PHACTR2: variants seen among roughly 807,000 people sequenced by gnomAD.
The protein encoded by PHACTR2 is phosphatase and actin regulator 2, also known as chromosome 6 open reading frame 56.
Under a neutral mutation model 76.0 loss-of-function variants are expected in PHACTR2, and 30 were observed. That is an observed-to-expected ratio of 0.39 (90% CI 0.30 to 0.54). The LOEUF (loss-of-function observed/expected upper bound fraction) is 0.54. PHACTR2 is among the 20% of genes least tolerant of loss of function. The pLI is 0.61. For synonymous variants in PHACTR2, 292 were observed against 292.5 expected (o/e 1.00, Z 0.02); for missense variants, 696 against 781.1 (o/e 0.89, Z 1.30).
rs148151491 is a variant in PHACTR2, at chr6:143,745,425, G to A, written c.215-3560G>A. Among the ~76,000 whole-genome samples the A allele has an allele frequency of 2.8e-4, 43 of 152,324 alleles. 2 individuals are homozygous for A. In the East Asian group the frequency reaches 7.5e-3, roughly 27 times the overall value. On this transcript the variant is annotated intron_variant, in intron 2 of 12. Coordinates refer to ENST00000440869, the MANE Select transcript of PHACTR2 (RefSeq NM_001100164.2). Reference sequence around the variant, plus strand: ...ACTGAAGTGGGTTGCGCCTTAAAGTGAGCATCTTCCCTCTGAATGATTTTA... The same window carrying A: ...ACTGAAGTGGGTTGCGCCTTAAAGTAAGCATCTTCCCTCTGAATGATTTTA...
chr6:143,571,392 A>G lies in PHACTR2; in HGVS notation c.217+34185A>G, dbSNP rs1292305306. ...GTCTCATGGATATTTCCTTTATCCT[A>G]TAATCCATTACTATCTACTTTATTT... On this transcript the variant is annotated intron_variant, in intron 1 of 11. Transcript: ENST00000367584. This position sits in a 1 kb window ranked among gnomAD's most constrained non-coding sequence, Gnocchi z 4.6. 1.3e-5 allele frequency among the ~76,000 whole-genome samples: 2 copies of G among 152,142 alleles called. No individual in the cohort carries two copies. The highest frequency in any genetic ancestry group is 2.9e-5 in the Non-Finnish European group (2 of 68,006).
At chr6:143,594,756 C>G (rs939872400) in intron 1 of PHACTR2, among the ~76,000 whole-genome samples, 1 of 152,238 alleles carries the variant, frequency 6.6e-6, no homozygotes, top group African/African-American at 2.4e-5. Flanking sequence ...TAGAGTTTGC[C>G]GTCCATGGAT....
At chr6:143,702,218 C>T (rs1582788049) in intron 1 of PHACTR2, among the ~76,000 whole-genome samples, 1 of 150,202 alleles carries the variant, frequency 6.7e-6, no homozygotes, top group South Asian at 2.1e-4. Context: ...AGCGATCCTC[C>T]TGCCTCAGCC....
chr6:143,643,217 A>G (rs1776597799), intron 1 of PHACTR2, among the ~76,000 whole-genome samples: 1 of 152,190 alleles, frequency 6.6e-6, no homozygotes, highest in African/African-American at 2.4e-5. Context: ...TATTTCATAA[A>G]TAATCTATCC....
At chr6:143,718,236 G>A (rs116692712) in intron 2 of PHACTR2, among the ~76,000 whole-genome samples, 1,570 of 152,176 alleles carry the variant, frequency 0.01, 34 homozygotes, top group African/African-American at 0.035. Context: ...ATGCTGTTAG[G>A]TACCAGGTTC....
intron 1 of PHACTR2, among the ~76,000 whole-genome samples, chr6:143,649,428 A>G (rs574086739): frequency 2.6e-5 from 4 of 152,354 alleles, no homozygotes; most frequent in East Asian, 1.9e-4. Context: ...TGAAACACCA[A>G]TGCAAAAATC....
rs950727719 is a variant in PHACTR2 at position 143,743,152 on chromosome 6, C to T, written c.215-5833C>T. On this transcript the variant is annotated intron_variant, in intron 2 of 12. Coordinates refer to ENST00000440869, the MANE Select transcript of PHACTR2 (RefSeq NM_001100164.2). This position sits in a 1 kb window ranked among gnomAD's most constrained non-coding sequence, Gnocchi z 5.0. ...GAGCTACTGTGTGAAGAGAACTTAA[C>T]ATTTTAGGGTAGATTTCACCCGAGA... Among the ~76,000 whole-genome samples the T allele has an allele frequency of 2.6e-5, 4 of 152,144 alleles. No homozygotes were observed. The highest frequency in any genetic ancestry group is 5.9e-5 in the Non-Finnish European group (4 of 68,016).
In PHACTR2 at chr6:143,795,311, G is replaced by C. The variant is rs971156411; in HGVS notation, c.1845+6401G>C. On this transcript the variant is annotated intron_variant, in intron 11 of 12. Coordinates refer to ENST00000440869, the MANE Select transcript of PHACTR2 (RefSeq NM_001100164.2). This position sits in a 1 kb window ranked among gnomAD's most constrained non-coding sequence, Gnocchi z 4.8. ...CCCATGTATTCCTACCTACTTGGAA[G>C]GCTGAGGCAGGAGGATCCCTTGAGT... is the stretch of plus-strand genomic sequence containing the variant. 3.9e-5 allele frequency among the ~76,000 whole-genome samples: 6 copies of C among 152,198 alleles called. No individual in the cohort carries two copies. The highest frequency in any genetic ancestry group is 1.4e-4 in the African/African-American group (6 of 41,448).
Position 143,561,113 on chromosome 6 carries a change from A to C in PHACTR2, c.217+23906A>C, listed in dbSNP as rs1361867262. On this transcript the variant is annotated intron_variant, in intron 1 of 11. Coordinates refer to the PHACTR2 transcript ENST00000367584. The surrounding 1 kb of genome is among the most constrained non-coding windows in gnomAD (Gnocchi z 4.1). Reference sequence around the variant, plus strand: ...GCTGCCAGCCTGGGCCAGGCCCCACACACCTCAAACACAAGCAGGGATTGA... The same window carrying C: ...GCTGCCAGCCTGGGCCAGGCCCCACCCACCTCAAACACAAGCAGGGATTGA... 6.5e-6 allele frequency: 1 copy of C among 153,002 alleles called. No individual in the cohort carries two copies. The highest frequency in any genetic ancestry group is 1.5e-5 in the Non-Finnish European group (1 of 68,744). 9.5% of individuals were successfully genotyped at this position (153,002 alleles called of 1,614,324 possible).
Position 143,581,199 on chromosome 6 carries a change from G to A in PHACTR2, c.217+43992G>A, listed in dbSNP as rs758195624. Among the ~76,000 whole-genome samples the A allele has an allele frequency of 2.6e-5, 4 of 152,186 alleles. No individual in the cohort carries two copies. The highest frequency in any genetic ancestry group is 6.5e-5 in the Admixed American group (1 of 15,272). On this transcript the variant is annotated intron_variant, in intron 1 of 11. Transcript: ENST00000367584. This position sits in a 1 kb window ranked among gnomAD's most constrained non-coding sequence, Gnocchi z 4.5. ...ACTTTACCCTTGTTCTCAAGTCTCC[G>A]TGTGGACAGGGGATGAGGGTTACCT...
intron 1 of PHACTR2, among the ~76,000 whole-genome samples, chr6:143,655,359 A>T (rs938412287): frequency 2.6e-5 from 4 of 152,238 alleles, no homozygotes. Context: ...AGGGTTTCTT[A>T]CTGGGTTGAT....
chr6:143,736,585 T>G (rs1778825184), intron 2 of PHACTR2, among the ~76,000 whole-genome samples: 1 of 93,252 alleles, frequency 1.1e-5, no homozygotes, highest in African/African-American at 4.1e-5. Context: ...TTTTTTTTTT[T>G]TTTTTTTGAG....
At position 143,652,795 on chromosome 6, in the gene PHACTR2, G is replaced by T. The variant is rs147026396; in HGVS notation, c.13+44473G>T. Reference sequence around the variant, plus strand: ...AAGTCTTGGCTGTCACACCTGGACCGCCTGCTCTGGTCATGTGTGTGTGTG... The same window carrying T: ...AAGTCTTGGCTGTCACACCTGGACCTCCTGCTCTGGTCATGTGTGTGTGTG... On this transcript the variant is annotated intron_variant, in intron 1 of 11. Coordinates refer to the PHACTR2 transcript ENST00000305766. This position sits in a 1 kb window ranked among gnomAD's most constrained non-coding sequence, Gnocchi z 4.5. 1.3e-5 allele frequency among the ~76,000 whole-genome samples: 2 copies of T among 152,166 alleles called. No individual in the cohort carries two copies. The highest frequency in any genetic ancestry group is 4.8e-5 in the African/African-American group (2 of 41,430).
chr6:143,674,755 T>G (rs1181088116), upstream of PHACTR2, among the ~76,000 whole-genome samples: 1 of 152,186 alleles, frequency 6.6e-6, no homozygotes, highest in African/African-American at 2.4e-5. The surrounding 1 kb of genome is among the most constrained non-coding windows in gnomAD (Gnocchi z 4.9). Flanking sequence ...GAAGGTTCCT[T>G]CTTCTTCCTG....
rs577742197 is a variant in PHACTR2 at position 143,611,918 on chromosome 6, A to T, written c.13+3596A>T. On this transcript the variant is annotated intron_variant, in intron 1 of 11. Transcript: ENST00000305766. The surrounding 1 kb of genome is among the most constrained non-coding windows in gnomAD (Gnocchi z 4.4). ...ACGACGAGTGGATATGGAGGCAGGGAGAACTGCAGCAGTCAAAGGAGACCC... is the reference window on the plus strand; with the variant it reads ...ACGACGAGTGGATATGGAGGCAGGGTGAACTGCAGCAGTCAAAGGAGACCC... 1.3e-5 allele frequency among the ~76,000 whole-genome samples: 2 copies of T among 152,196 alleles called. No homozygotes were observed. The highest frequency in any genetic ancestry group is 2.9e-5 in the Non-Finnish European group (2 of 68,020).
intron 1 of PHACTR2, among the ~76,000 whole-genome samples, chr6:143,567,383 T>C (rs9386033): frequency 0.61 from 93,168 of 151,876 alleles, 28,904 homozygotes; most frequent in Middle Eastern, 0.72. Flanking sequence ...TATTGACTTT[T>C]ATTTATTTAT....
rs1350211648 is a variant in PHACTR2, at chr6:143,679,003, G to A, written c.46+794G>A. Among the ~76,000 whole-genome samples, 3 of 151,054 alleles carry A rather than the reference G, an allele frequency of 2.0e-5. No homozygotes were observed. The highest frequency in any genetic ancestry group is 4.4e-5 in the Non-Finnish European group (3 of 67,884). On this transcript the variant is annotated intron_variant, in intron 1 of 12. Transcript: ENST00000440869. The surrounding 1 kb of genome is among the most constrained non-coding windows in gnomAD (Gnocchi z 4.6). ...ATTGGATAAGGAAATAAATTTAAAAGGTACTATTTTGATATTTTTCCATCA... is the reference window on the plus strand; with the variant it reads ...ATTGGATAAGGAAATAAATTTAAAAAGTACTATTTTGATATTTTTCCATCA...
At position 143,546,161 on chromosome 6, in the gene PHACTR2, C is replaced by T. The variant is rs1331725077; in HGVS notation, c.217+8954C>T. Among the ~76,000 whole-genome samples the T allele has an allele frequency of 6.6e-6, 1 of 152,192 alleles. No individual in the cohort carries two copies. The highest frequency in any genetic ancestry group is 1.5e-5 in the Non-Finnish European group (1 of 68,044). On this transcript the variant is annotated intron_variant, in intron 1 of 11. Coordinates refer to the PHACTR2 transcript ENST00000367584. This position sits in a 1 kb window ranked among gnomAD's most constrained non-coding sequence, Gnocchi z 4.9. ...GAGTGACTCATTATCTTTGATCACA[C>T]TTGCTGAAATTTGCACAGAGAAGTA...
chr6:143,536,910 G>GGGGCAGAGCC lies in PHACTR2; in HGVS notation c.-74_-65dup, dbSNP rs1781121277. The GGGGCAGAGCC allele has an allele frequency of 6.6e-6, 1 of 152,480 alleles. No homozygotes were observed. The highest frequency in any genetic ancestry group is 2.4e-5 in the African/African-American group (1 of 41,336). 9.4% of individuals were successfully genotyped at this position (152,480 alleles called of 1,614,324 possible). On this transcript the variant is annotated 5_prime_UTR_variant, in exon 1 of 12. Coordinates refer to the PHACTR2 transcript ENST00000367584. This position sits in a 1 kb window ranked among gnomAD's most constrained non-coding sequence, Gnocchi z 5.4. ...TCGCTGCCTCCGGGTCGCGGCGCGC[G>GGGGCAGAGCC]GGGCAGAGCCGGGCAGCAGCGGGCA...
Sources: gnomAD v4.1 joint callset for allele counts (sites outside exome capture counted in the v4.1 genomes callset) on GRCh38, gnomAD v4.1.1 for gene constraint, Gnocchi (gnomAD v3.1) non-coding constraint, MANE v1.5 for transcripts, NCBI Gene and HGNC (gene_info 2026-07-23, HGNC 2026-07-21) for gene names.